Variants in OR2T11 observed in about 807,000 individuals in gnomAD.
OR2T11 encodes olfactory receptor family 2 subfamily T member 11.
A neutral mutation model predicts 13.5 loss-of-function variants in OR2T11; 14 were observed. That is an observed-to-expected ratio of 1.04 (90% CI 0.69 to 1.62). The LOEUF is 1.62. Among genes scored for constraint, OR2T11 ranks in the 40% most tolerant of loss-of-function variants. The pLI, the probability that OR2T11 is intolerant of heterozygous loss-of-function variation, is 0.00. For synonymous variants in OR2T11, 163 were observed against 154.6 expected, an observed-to-expected ratio of 1.05 and a Z score of -0.40; for missense variants, 410 against 389.7, an observed-to-expected ratio of 1.05 and a Z score of -0.44.
At chr1:248,627,717 G>A (rs1299885620) in intron 1 of OR2T11, among the ~76,000 whole-genome samples, 2 of 143,114 alleles carry the variant, frequency 1.4e-5, no homozygotes, top group Non-Finnish European at 3.0e-5. Flanking sequence ...GTATCGCATA[G>A]TGGAGTCTTG....
intron 1 of OR2T11, among the ~76,000 whole-genome samples, chr1:248,633,993 GTTT>G (rs66647384): frequency 7.5e-6 from 1 of 133,060 alleles, no homozygotes; most frequent in Non-Finnish European, 1.6e-5. Flanking sequence ...GTTTTTTGGT[GTTT>G]TTTTTTTTGC....
At chr1:248,629,172 C>T (rs1233310499) in intron 1 of OR2T11, among the ~76,000 whole-genome samples, 3 of 142,492 alleles carry the variant, frequency 2.1e-5, no homozygotes, top group South Asian at 4.4e-4. Flanking sequence ...TTAGGGAGGC[C>T]AGGGCGGAAG....
rs763431289 is a variant in OR2T11, at chr1:248,626,491, G to A, written c.638C>T (p.Thr213Ile). The A allele has an allele frequency of 1.3e-6, 2 of 1,572,790 alleles. No homozygotes were observed. The highest frequency in any genetic ancestry group is 1.7e-6 in the Non-Finnish European group (2 of 1,156,308). ...MLLIPISIIS[T>I]SYSLILLTIH... ...GGTTAACAAGATGAGGGAGTAGGAA[G>A]TGGAGATGATAGAGATGGGGATGAG... Residue 213 changes from threonine (T) to isoleucine (I), a missense_variant, in exon 2 of 2, where the codon ACT becomes ATT. Transcript: ENST00000641193.
chr1:248,626,682 G>T lies in OR2T11; in HGVS notation c.447C>A (p.Gly149=). 6.4e-7 allele frequency: 1 copy of T among 1,573,014 alleles called. No homozygotes were observed. Among genetic ancestry groups the T allele is most frequent in the Non-Finnish European group, 8.6e-7 (1 of 1,156,674 alleles). Residue 149 remains glycine, a synonymous_variant, in exon 2 of 2, where the codon GGC becomes GGA. Transcript: ENST00000641193. ...LLLAAGAWFG[G]SLDGFLLTPI... ...GAGTGAGCAGAAAGCCATCGAGGGA[G>T]CCCCCAAACCAGGCACCAGCAGCCA...
chr1:248,634,290 A>G (rs1176250221), intron 1 of OR2T11, among the ~76,000 whole-genome samples: 2 of 142,090 alleles, frequency 1.4e-5, no homozygotes, highest in South Asian at 2.2e-4. Flanking sequence ...AAATAAGCTT[A>G]AAGTGCTCAT....
At position 248,626,152 on chromosome 1, in the gene OR2T11, A is replaced by AC; in HGVS notation, c.*25_*26insG. 1 of 1,270,974 alleles carries AC rather than the reference A, an allele frequency of 7.9e-7. No individual in the cohort carries two copies. The allele number at this position is 1,270,974 out of a possible 1,614,324, so 78.7% of individuals were successfully genotyped here. The stretch of plus-strand genomic sequence containing the variant: ...GGGCAAATGGAGGAAGTCCTTAGGA[A>AC]GCCTTATCCTCTGGGCAGTGACTCT... On this transcript the variant is annotated 3_prime_UTR_variant, in exon 2 of 2. Coordinates refer to ENST00000641193, the MANE Select transcript of OR2T11 (RefSeq NM_001001964.2).
In OR2T11 at chr1:248,626,532, G is replaced by T; in HGVS notation, c.597C>A (p.Cys199Ter). The part of the protein sequence containing the change: ...TSLYETLMYI[C>*]CVLMLLIPIS... ...TGGGGATGAGCAACATGAGGACACA[G>T]CAGATGTACATCAGAGTTTCATACA... Residue 199 changes from cysteine (C) to a stop codon, truncating the protein, a stop_gained, in exon 2 of 2, where the codon TGC (cysteine) becomes TGA (stop). Coordinates refer to ENST00000641193, the MANE Select transcript of OR2T11 (RefSeq NM_001001964.2). LOFTEE classifies it high-confidence loss of function. 1 of 1,567,028 alleles carries T rather than the reference G, an allele frequency of 6.4e-7. No individual in the cohort carries two copies. Among genetic ancestry groups the T allele is most frequent in the Non-Finnish European group, 8.7e-7 (1 of 1,151,012 alleles).
In OR2T11 at chr1:248,629,906, T is replaced by C. The variant is rs1558173223; in HGVS notation, c.-144-2634A>G. Among the ~76,000 whole-genome samples, 2 of 141,904 alleles carry C rather than the reference T, an allele frequency of 1.4e-5. 1 individual carries two copies. The highest frequency in any genetic ancestry group is 4.5e-4 in the South Asian group (2 of 4,482). 93.1% of individuals were successfully genotyped at this position (141,904 alleles called of 152,430 possible). ...TCAAAAGCCACCTGCTCAGAGGTCC[T>C]ATGACTATTTTTCTTCACTTTTCTT... On this transcript the variant is annotated intron_variant, in intron 1 of 1. Transcript: ENST00000641193.
At chr1:248,627,415 C>T in intron 1 of OR2T11, 143 bp from the exon 2 acceptor site, 4 of 420,056 alleles carry the variant, frequency 9.5e-6, no homozygotes, top group South Asian at 9.3e-5. Flanking sequence ...GATACAATTG[C>T]TGTATGCTAC....
chr1:248,626,506 A>G lies in OR2T11; in HGVS notation c.623T>C (p.Ile208Thr). Residue 208 changes from isoleucine to threonine, a missense_variant, in exon 2 of 2, where the codon ATC (isoleucine) becomes ACC (threonine). Transcript: ENST00000641193. ...GGAGTAGGAAGTGGAGATGATAGAG[A>G]TGGGGATGAGCAACATGAGGACACA... The part of the protein sequence containing the change: ...ICCVLMLLIP[I>T]SIISTSYSLI... 5 of 1,571,218 alleles carry G rather than the reference A, an allele frequency of 3.2e-6. 1 individual carries two copies. Among genetic ancestry groups the G allele is most frequent in the Non-Finnish European group, 4.3e-6 (5 of 1,155,050 alleles).
At chr1:248,634,675 G>A (rs1283903930) in intron 1 of OR2T11, among the ~76,000 whole-genome samples, 3 of 138,004 alleles carry the variant, frequency 2.2e-5, no homozygotes, top group Non-Finnish European at 4.6e-5. Context: ...GTAGAGTCAG[G>A]ACCTGACGTT....
In OR2T11 at chr1:248,626,419, G is replaced by T. The variant is rs1197191391; in HGVS notation, c.710C>A (p.Thr237Asn). Residue 237 changes from threonine (T) to asparagine (N), a missense_variant, in exon 2 of 2, where the codon ACT becomes AAT. By Grantham distance (65) the Thr-to-Asn change is moderately conservative (BLOSUM62 0). Coordinates refer to ENST00000641193, the MANE Select transcript of OR2T11 (RefSeq NM_001001964.2). Reference protein sequence around the residue: ...SAEGRKKAFTTCSSHLTVVSI... With the variant: ...SAEGRKKAFTNCSSHLTVVSI... ...AACTACAGTCAAGTGGGAGGAACAAGTGGTGAAGGCCTTTTTGCGACCTTC... is the reference window on the plus strand; with the variant it reads ...AACTACAGTCAAGTGGGAGGAACAATTGGTGAAGGCCTTTTTGCGACCTTC... 1 of 1,571,816 alleles carries T rather than the reference G, an allele frequency of 6.4e-7. No individual in the cohort carries two copies. Among genetic ancestry groups the T allele is most frequent in the Non-Finnish European group, 8.7e-7 (1 of 1,155,580 alleles).
chr1:248,634,616 G>A (rs1279064086), intron 1 of OR2T11, among the ~76,000 whole-genome samples: 1 of 139,416 alleles, frequency 7.2e-6, no homozygotes, highest in African/African-American at 2.9e-5. Context: ...ACCTATCGAT[G>A]CCATAAAGTT....
In OR2T11 at chr1:248,629,867, C is replaced by T. The variant is rs112652357; in HGVS notation, c.-144-2595G>A. 3.7e-3 allele frequency among the ~76,000 whole-genome samples: 531 copies of T among 141,606 alleles called. 96 individuals are homozygous for T. The highest frequency in any genetic ancestry group is 0.014 in the African/African-American group (506 of 35,620). The allele number at this position is 141,606 out of a possible 152,430, so 92.9% of individuals were successfully genotyped here. ...GCAAGGCCATCCATCCCCTCATGTA[C>T]TTCAGGGCTTTGCTCAAAAGCCACC... On this transcript the variant is annotated intron_variant, in intron 1 of 1. Coordinates refer to ENST00000641193, the MANE Select transcript of OR2T11 (RefSeq NM_001001964.2).
At position 248,623,850 on chromosome 1, in the gene OR2T11, G is replaced by A. The variant is rs1164120401; in HGVS notation, c.*2328C>T. On this transcript the variant is annotated 3_prime_UTR_variant, in exon 2 of 2. Coordinates refer to ENST00000641193, the MANE Select transcript of OR2T11 (RefSeq NM_001001964.2). ...AAATTCATAAATTCAATGCAAAGGA[G>A]GGGGAGTCCGAAGGTTGTCCTACAA... 3.5e-5 allele frequency: 5 copies of A among 142,316 alleles called. 2 individuals are homozygous for A. The highest frequency in any genetic ancestry group is 1.4e-4 in the African/African-American group (5 of 35,958). 8.8% of individuals were successfully genotyped at this position (142,316 alleles called of 1,614,324 possible).
Position 248,626,332 on chromosome 1 carries a change from T to G in OR2T11, c.797A>C (p.Glu266Ala). ...YVLPQSFHTP[E>A]QDKVVSAFYT... Reference sequence around the variant, plus strand: ...GAAGGCTGACACTACTTTGTCCTGCTCGGGGGTGTGGAAGGACTGGGGCAG... The same window carrying G: ...GAAGGCTGACACTACTTTGTCCTGCGCGGGGGTGTGGAAGGACTGGGGCAG... The change falls in exon 2 of 2, where the codon GAG (glutamate) becomes GCG (alanine). Residue 266 changes from glutamate to alanine, a missense_variant. Coordinates refer to ENST00000641193, the MANE Select transcript of OR2T11 (RefSeq NM_001001964.2). The G allele has an allele frequency of 6.4e-7, 1 of 1,573,068 alleles. No homozygotes were observed. Among genetic ancestry groups the G allele is most frequent in the South Asian group, 1.1e-5 (1 of 88,908 alleles).
At chr1:248,627,808 C>A (rs574288262) in intron 1 of OR2T11, among the ~76,000 whole-genome samples, 1 of 142,582 alleles carries the variant, frequency 7.0e-6, no homozygotes, top group Admixed American at 6.8e-5. Flanking sequence ...GCTTTCACCC[C>A]CTACTCTTCC....
chr1:248,631,636 A>C (rs1660617178), intron 1 of OR2T11, among the ~76,000 whole-genome samples: 2 of 143,728 alleles, frequency 1.4e-5, no homozygotes, highest in African/African-American at 5.5e-5. Flanking sequence ...ACAAAGCAAT[A>C]AAGTGACAAC....
rs779464602 is a variant in OR2T11, at chr1:248,630,993, G to A, written c.-144-3721C>T. Among the ~76,000 whole-genome samples the A allele has an allele frequency of 9.1e-5, 13 of 142,852 alleles. 1 individual carries two copies. The South Asian group carries it at 1.3e-3, about 15-fold the overall frequency. The allele number at this position is 142,852 out of a possible 152,430, so 93.7% of individuals were successfully genotyped here. ...GTCGGAGGGACTCAGTCGGTCTCCG[G>A]GTTTGACGATAGAGGGGACCCCAAG... On this transcript the variant is annotated intron_variant, in intron 1 of 1. Coordinates refer to ENST00000641193, the MANE Select transcript of OR2T11 (RefSeq NM_001001964.2).
Sources: gnomAD v4.1 joint callset for allele counts (sites outside exome capture counted in the v4.1 genomes callset) on GRCh38, gnomAD v4.1.1 for gene constraint, MANE v1.5 for transcripts, NCBI Gene and HGNC (gene_info 2026-07-23, HGNC 2026-07-21) for gene names.